ATXN1: variants seen among roughly 807,000 people sequenced by gnomAD.
ATXN1 encodes the protein ataxin-1.
ATXN1 carries 8 observed loss-of-function variants against 56.4 expected under a neutral mutation model. The observed-to-expected ratio is 0.14, with a 90% CI of 0.08 to 0.26. The LOEUF is 0.26. Ranked by LOEUF, ATXN1 falls within the 10% of genes least tolerant of loss-of-function variation. ATXN1 has a pLI of 1.00. For synonymous variants in ATXN1, 514 were observed against 494.6 expected (o/e 1.04, Z -0.52); for missense variants, 987 against 1,106.5 (o/e 0.89, Z 1.53).
rs1320216178 is a variant in ATXN1, at chr6:16,683,803, G to A, written c.-614-25902C>T. Among the ~76,000 whole-genome samples the A allele has an allele frequency of 7.9e-5, 12 of 152,274 alleles. No homozygotes were observed. In the South Asian group the frequency reaches 1.2e-3, roughly 16 times the overall value. On this transcript the variant is annotated intron_variant, in intron 2 of 7. Coordinates refer to ENST00000436367, the MANE Select transcript of ATXN1 (RefSeq NM_001128164.2). ...CGCCACCATGGGTATTAACACTCCA[G>A]GATCCCTGCAACTTTCCCTTCTTCC... is the stretch of plus-strand genomic sequence containing the variant.
chr6:16,347,239 G>A (rs768486830), intron 6 of ATXN1, among the ~76,000 whole-genome samples: 3 of 152,188 alleles, frequency 2.0e-5, no homozygotes. Flanking sequence ...CACGGCACTG[G>A]CAGGCAGCTC....
At chr6:16,423,871 T>C (rs1464302154) in intron 6 of ATXN1, among the ~76,000 whole-genome samples, 1 of 152,250 alleles carries the variant, frequency 6.6e-6, no homozygotes, top group African/African-American at 2.4e-5. Flanking sequence ...TTATGCATCA[T>C]TTATCTTCAG....
At chr6:16,348,464 GA>G (rs958060341) in intron 6 of ATXN1, among the ~76,000 whole-genome samples, 2 of 152,078 alleles carry the variant, frequency 1.3e-5, no homozygotes, top group African/African-American at 4.8e-5. Flanking sequence ...TTCAGAGGCC[GA>G]GGGGGGGCAG....
intron 2 of ATXN1, among the ~76,000 whole-genome samples, chr6:16,746,012 A>T (rs1177929504): frequency 6.6e-6 from 1 of 151,760 alleles, no homozygotes; most frequent in Non-Finnish European, 1.5e-5. Context: ...CATAAGCAAC[A>T]TCTAGAGAGT....
At chr6:16,383,284 T>C (rs1456367288) in intron 6 of ATXN1, among the ~76,000 whole-genome samples, 1 of 152,224 alleles carries the variant, frequency 6.6e-6, no homozygotes, top group Non-Finnish European at 1.5e-5. Flanking sequence ...TTTATATTAA[T>C]GTAAAAAGAA....
At chr6:16,532,176 T>C (rs1325690008) in intron 4 of ATXN1, among the ~76,000 whole-genome samples, 1 of 152,222 alleles carries the variant, frequency 6.6e-6, no homozygotes, top group Non-Finnish European at 1.5e-5. Context: ...GTCTAGAATA[T>C]TATTACACTG....
intron 6 of ATXN1, among the ~76,000 whole-genome samples, chr6:16,422,040 T>C (rs552242879): frequency 2.0e-5 from 3 of 149,014 alleles, no homozygotes; most frequent in Non-Finnish European, 4.5e-5. Flanking sequence ...TTTTGAAGTA[T>C]ATAAGGGTTT....
chr6:16,342,554 AG>A (rs1428477106), intron 6 of ATXN1, among the ~76,000 whole-genome samples: 6 of 152,212 alleles, frequency 3.9e-5, no homozygotes, highest in Non-Finnish European at 5.9e-5. Flanking sequence ...GCAGGGACTC[AG>A]ATATTCCACA....
intron 6 of ATXN1, among the ~76,000 whole-genome samples, chr6:16,461,500 G>A (rs946394912): frequency 1.2e-4 from 18 of 152,176 alleles, no homozygotes; most frequent in African/African-American, 4.3e-4. Flanking sequence ...CCCCTTTTGG[G>A]GAACAAAGAA....
intron 5 of ATXN1, among the ~76,000 whole-genome samples, chr6:16,488,038 T>C (rs1352232635): frequency 6.6e-6 from 1 of 152,196 alleles, no homozygotes; most frequent in African/African-American, 2.4e-5. Context: ...CTGTTCTCCA[T>C]ACCTTGAAAT....
intron 2 of ATXN1, among the ~76,000 whole-genome samples, chr6:16,659,619 A>G (rs938457317): frequency 2.0e-5 from 3 of 152,172 alleles, no homozygotes; most frequent in African/African-American, 7.2e-5. Context: ...GTCATACAGA[A>G]AGTTAATATG....
At chr6:16,319,273 G>T (rs1021920380) in intron 7 of ATXN1, among the ~76,000 whole-genome samples, 2 of 152,030 alleles carry the variant, frequency 1.3e-5, no homozygotes, top group African/African-American at 4.8e-5. Context: ...AAAAAGAAAT[G>T]AGCTATCAGA....
chr6:16,730,962 A>G (rs1003403548), intron 2 of ATXN1, among the ~76,000 whole-genome samples: 2 of 152,192 alleles, frequency 1.3e-5, no homozygotes, highest in African/African-American at 4.8e-5. Flanking sequence ...ATTTAAAAGT[A>G]GCTCATATTG....
rs1421897957 is a variant in ATXN1, at chr6:16,301,107, G to A, written c.*5222C>T. 3 of 137,960 alleles carry A rather than the reference G, an allele frequency of 2.2e-5. No individual in the cohort carries two copies. The highest frequency in any genetic ancestry group is 1.6e-5 in the Non-Finnish European group (1 of 63,518). The allele number at this position is 137,960 out of a possible 1,614,324, so 8.5% of individuals were successfully genotyped here. Reference sequence around the variant, plus strand: ...CTGCTTTTTTTTTTTTACAAACAAAGTATGAAACTCATTGTTTCAACAGAG... The same window carrying A: ...CTGCTTTTTTTTTTTTACAAACAAAATATGAAACTCATTGTTTCAACAGAG... On this transcript the variant is annotated 3_prime_UTR_variant, in exon 8 of 8. Coordinates refer to ENST00000436367, the MANE Select transcript of ATXN1 (RefSeq NM_001128164.2).
chr6:16,581,230 CGTGT>C (rs1211990167), intron 4 of ATXN1, among the ~76,000 whole-genome samples: 55 of 127,816 alleles, frequency 4.3e-4, no homozygotes, highest in South Asian at 1.8e-3. Flanking sequence ...TGTGTGCGCG[CGTGT>C]GTGTGTGTGT....
intron 6 of ATXN1, among the ~76,000 whole-genome samples, chr6:16,367,387 T>C (rs200684193): frequency 0.021 from 2,557 of 124,552 alleles, 76 homozygotes; most frequent in African/African-American, 0.07. Flanking sequence ...CACACACACA[T>C]ACAGACACAC....
chr6:16,475,814 T>C (rs1250896554), intron 6 of ATXN1, among the ~76,000 whole-genome samples: 1 of 151,650 alleles, frequency 6.6e-6, no homozygotes, highest in East Asian at 1.9e-4. Context: ...CTTCTTAGCC[T>C]GAGGTTCCTG....
intron 2 of ATXN1, chr6:16,667,356 C>G (rs1758449595): frequency 6.6e-6 from 1 of 152,168 alleles, no homozygotes; most frequent in Non-Finnish European, 1.5e-5. Context: ...TTTCTTGTTT[C>G]AAAGTGAGGA....
chr6:16,674,680 C>T (rs1758623240), intron 2 of ATXN1, among the ~76,000 whole-genome samples: 1 of 151,962 alleles, frequency 6.6e-6, no homozygotes, highest in Admixed American at 6.6e-5. Flanking sequence ...CTAAAGTTCA[C>T]TGCAACTTTA....
Sources: gnomAD v4.1 joint callset for allele counts (sites outside exome capture counted in the v4.1 genomes callset) on GRCh38, gnomAD v4.1.1 for gene constraint, MANE v1.5 for transcripts, NCBI Gene and HGNC (gene_info 2026-07-23, HGNC 2026-07-21) for gene names.